Variants in SLC27A6 observed in about 807,000 individuals in gnomAD.
SLC27A6 encodes the protein solute carrier family 27 member 6.
A neutral mutation model predicts 63.9 loss-of-function variants in SLC27A6; 74 were observed. The ratio of observed to expected loss-of-function variants is 1.16; its 90% CI spans 0.96 to 1.40. The LOEUF (loss-of-function observed/expected upper bound fraction) is 1.40, where lower values mean the gene tolerates loss of function less well. Among genes scored for constraint, SLC27A6 ranks in the 40% most tolerant of loss-of-function variants. The probability of loss-of-function intolerance (pLI) is 0.00; values close to 1 mark genes in which losing one functional copy is unlikely to be tolerated. For synonymous variants in SLC27A6, 287 were observed against 260.8 expected (o/e 1.10, Z -0.97); for missense variants, 794 against 732.9 (o/e 1.08, Z -0.96).
chr5:128,968,416 C>T (rs140946854), intron 1 of SLC27A6, among the ~76,000 whole-genome samples: 37,847 of 151,802 alleles, frequency 0.25, 5,295 homozygotes, highest in Non-Finnish European at 0.31. Context: ...CATCCTCTCC[C>T]GCACCTATTG....
At chr5:128,997,641 A>C (rs770170240) in intron 4 of SLC27A6, among the ~76,000 whole-genome samples, 3 of 152,228 alleles carry the variant, frequency 2.0e-5, no homozygotes, top group Non-Finnish European at 4.4e-5. Flanking sequence ...GTAGCAGTGC[A>C]TGTAAAATAT....
chr5:129,027,057 T>A, intron 6 of SLC27A6, 76 bp from the exon 7 acceptor site: 1 of 1,212,088 alleles, frequency 8.3e-7, no homozygotes, highest in Non-Finnish European at 1.2e-6. Flanking sequence ...TGGCCAGATA[T>A]AATATAGATA....
chr5:128,969,829 C>T (rs1750068399), intron 1 of SLC27A6, among the ~76,000 whole-genome samples: 1 of 152,174 alleles, frequency 6.6e-6, no homozygotes, highest in African/African-American at 2.4e-5. Context: ...AGAGGGCATC[C>T]CTGTCTTGTG....
At chr5:128,995,624 G>A (rs1385843641) in intron 4 of SLC27A6, among the ~76,000 whole-genome samples, 3 of 152,188 alleles carry the variant, frequency 2.0e-5, no homozygotes, top group Middle Eastern at 3.4e-3. Context: ...ATGACAAGTG[G>A]GATCCAGGCA....
intron 2 of SLC27A6, among the ~76,000 whole-genome samples, chr5:128,986,927 T>C (rs186346455): frequency 5.7e-4 from 87 of 152,236 alleles, no homozygotes; most frequent in Non-Finnish European, 9.3e-4. Context: ...GGGTACCAGG[T>C]ACCTCAAAGA....
chr5:128,978,292 G>A (rs916596677), intron 1 of SLC27A6, among the ~76,000 whole-genome samples: 7 of 152,064 alleles, frequency 4.6e-5, no homozygotes, highest in African/African-American at 1.7e-4. Flanking sequence ...AGAAACATTG[G>A]ACTATATAGT....
At position 128,985,200 on chromosome 5, in the gene SLC27A6, AG is replaced by A. The variant is rs1750746016; in HGVS notation, c.550del (p.Asp184IlefsTer7). ...SENISVWGMK[D>X]SVPQGVISLK... ...AAAATATCAGTGTTTGGGGGATGAA[AG>A]ATTCTGTTCCACAAGGTGTAATTTC... On this transcript the variant is annotated frameshift_variant, in exon 2 of 10. Transcript: ENST00000262462. LOFTEE classifies it high-confidence loss of function. 6.2e-7 allele frequency: 1 copy of A among 1,614,036 alleles called. No homozygotes were observed. The highest frequency in any genetic ancestry group is 1.7e-5 in the Admixed American group (1 of 60,006).
At position 128,966,541 on chromosome 5, in the gene SLC27A6, T is replaced by C. The variant is rs918208232; in HGVS notation, c.404T>C (p.Leu135Pro). Residue 135 changes from leucine to proline, a missense_variant, in exon 1 of 10, where the codon CTC becomes CCC. By Grantham distance (98) the Leu-to-Pro change is moderately conservative. Coordinates refer to ENST00000262462, the MANE Select transcript of SLC27A6 (RefSeq NM_001017372.3). Reference sequence around the variant, plus strand: ...AAGCTGGGCTGCGTGGTGGCCTTTCTCAACACCAACATTCGCTCCAACTCC... The same window carrying C: ...AAGCTGGGCTGCGTGGTGGCCTTTCCCAACACCAACATTCGCTCCAACTCC... The part of the protein sequence containing the change: ...LAKLGCVVAF[L>P]NTNIRSNSLL... 1 of 1,588,702 alleles carries C rather than the reference T, an allele frequency of 6.3e-7. No individual in the cohort carries two copies.
chr5:129,015,888 G>T lies in SLC27A6; in HGVS notation c.973G>T (p.Glu325Ter). The change falls in exon 5 of 10, where the codon GAA becomes TAA. Residue 325 changes from glutamate (E) to a stop codon, truncating the protein, a stop_gained. Coordinates refer to ENST00000262462, the MANE Select transcript of SLC27A6 (RefSeq NM_001017372.3). LOFTEE classifies it high-confidence loss of function. ...GTAAAACATTTTCTTCTAACAGAGA[G>T]AAGGAGAAAAGGATCATAAGGTGCG... is the stretch of plus-strand genomic sequence containing the variant. Reference protein sequence around the residue: ...CRYLCKQSKREGEKDHKVRLA... With the variant: ...CRYLCKQSKR 6.4e-7 allele frequency: 1 copy of T among 1,574,738 alleles called. No individual in the cohort carries two copies. Among genetic ancestry groups the T allele is most frequent in the East Asian group, 2.3e-5 (1 of 43,532 alleles).
chr5:129,026,798 T>C (rs909957572), intron 6 of SLC27A6, among the ~76,000 whole-genome samples: 1 of 152,140 alleles, frequency 6.6e-6, no homozygotes, highest in Non-Finnish European at 1.5e-5. Context: ...ATAACAAATG[T>C]CAATATTATC....
intron 4 of SLC27A6, among the ~76,000 whole-genome samples, chr5:128,999,300 T>A (rs553524743): frequency 3.3e-5 from 5 of 152,124 alleles, no homozygotes; most frequent in Non-Finnish European, 7.4e-5. Flanking sequence ...TATCAGTACA[T>A]GTCTTTAGGT....
intron 5 of SLC27A6, among the ~76,000 whole-genome samples, chr5:129,019,379 A>T (rs1490400708): frequency 6.6e-6 from 1 of 152,014 alleles, no homozygotes; most frequent in African/African-American, 2.4e-5. Context: ...GAATCTAAAT[A>T]AAAGGCAGCT....
At chr5:129,002,157 C>A (rs891934460) in intron 4 of SLC27A6, among the ~76,000 whole-genome samples, 1 of 152,170 alleles carries the variant, frequency 6.6e-6, no homozygotes, top group African/African-American at 2.4e-5. Flanking sequence ...TAAGCAAGTT[C>A]TCTTAAATTT....
intron 1 of SLC27A6, among the ~76,000 whole-genome samples, chr5:128,972,881 CT>C (rs1195825675): frequency 6.6e-6 from 1 of 152,216 alleles, no homozygotes; most frequent in East Asian, 1.9e-4. Context: ...CTTTTCTGCT[CT>C]GGTTTCCTAT....
chr5:128,990,645 C>A (rs257909), intron 4 of SLC27A6, among the ~76,000 whole-genome samples, 181 bp downstream of exon 4: 11,354 of 152,148 alleles, frequency 0.075, 1,245 homozygotes, highest in East Asian at 0.56. Context: ...AAGATGGTGG[C>A]AAGCCTTGTG....
intron 5 of SLC27A6, among the ~76,000 whole-genome samples, chr5:129,023,384 C>T (rs1752136310): frequency 6.6e-6 from 1 of 152,016 alleles, no homozygotes; most frequent in Admixed American, 6.6e-5. Flanking sequence ...AAGTGTACCA[C>T]AAAAGAAATG....
intron 1 of SLC27A6, among the ~76,000 whole-genome samples, chr5:128,972,893 C>G (rs1750233854): frequency 6.6e-6 from 1 of 152,182 alleles, no homozygotes; most frequent in African/African-American, 2.4e-5. Flanking sequence ...GGTTTCCTAT[C>G]TTTGTGGTTT....
In SLC27A6 at chr5:129,003,967, C is replaced by CAAA. The variant is rs779667758; in HGVS notation, c.970-11899_970-11897dup. On this transcript the variant is annotated intron_variant, in intron 4 of 9. Coordinates refer to ENST00000262462, the MANE Select transcript of SLC27A6 (RefSeq NM_001017372.3). ...TGGGTGACACAGTGAGACCCTGTCTCAAAAAAAAAAAAAAAAAAAAAGAAC... is the reference window on the plus strand; with the variant it reads ...TGGGTGACACAGTGAGACCCTGTCTCAAAAAAAAAAAAAAAAAAAAAAAAGAAC... Among the ~76,000 whole-genome samples, 426 of 69,216 alleles carry CAAA rather than the reference C, an allele frequency of 6.2e-3. 7 individuals are homozygous for CAAA. Among genetic ancestry groups the CAAA allele is most frequent in the South Asian group, 6.4e-3 (11 of 1,706 alleles). 45.4% of individuals were successfully genotyped at this position (69,216 alleles called of 152,430 possible). A position where few individuals can be genotyped will look rare whatever the true frequency, so the allele number is the denominator to read the frequency against.
At chr5:128,970,069 T>C (rs1274734459) in intron 1 of SLC27A6, among the ~76,000 whole-genome samples, 1 of 149,806 alleles carries the variant, frequency 6.7e-6, no homozygotes, top group Non-Finnish European at 1.5e-5. Flanking sequence ...ATTACGTTTA[T>C]TGATTTGCAT....
Sources: gnomAD v4.1 joint callset for allele counts (sites outside exome capture counted in the v4.1 genomes callset) on GRCh38, gnomAD v4.1.1 for gene constraint, MANE v1.5 for transcripts, NCBI Gene and HGNC (gene_info 2026-07-23, HGNC 2026-07-21) for gene names.